IFT80: variants seen among roughly 807,000 people sequenced by gnomAD.
IFT80 encodes the protein intraflagellar transport protein 80 homolog.
A neutral mutation model predicts 107.9 loss-of-function variants in IFT80; 79 were observed. The observed-to-expected ratio is 0.73, with a 90% CI of 0.61 to 0.88. The LOEUF (loss-of-function observed/expected upper bound fraction) is 0.88, where lower values mean the gene tolerates loss of function less well. IFT80 is among the 40% of genes least tolerant of loss of function. The pLI is 0.00. For synonymous variants in IFT80, 299 were observed against 300.9 expected (o/e 0.99, Z 0.07); for missense variants, 797 against 914.2 (o/e 0.87, Z 1.65).
chr3:160,268,854 C>T, intron 18 of IFT80: 2 of 304,176 alleles, frequency 6.6e-6, no homozygotes. Flanking sequence ...CTTTTTTCTC[C>T]ACTAGCCAAT....
chr3:160,364,863 G>T (rs1559962702), intron 6 of IFT80, among the ~76,000 whole-genome samples: 1 of 151,982 alleles, frequency 6.6e-6, no homozygotes, highest in Admixed American at 6.6e-5. Context: ...AAGGTGGGGG[G>T]CTGGGGGAGG....
chr3:160,361,483 C>G (rs890373146), intron 6 of IFT80, among the ~76,000 whole-genome samples: 1 of 152,138 alleles, frequency 6.6e-6, no homozygotes, highest in Non-Finnish European at 1.5e-5. Context: ...AGAAGGTTAA[C>G]AAGGATATCC....
intron 5 of IFT80, among the ~76,000 whole-genome samples, chr3:160,370,432 T>C (rs1722155949): frequency 6.6e-6 from 1 of 152,170 alleles, no homozygotes; most frequent in Non-Finnish European, 1.5e-5. Flanking sequence ...AAGAATGATT[T>C]CCTTTTCATT....
At chr3:160,338,986 G>A (rs1232834103) in intron 8 of IFT80, among the ~76,000 whole-genome samples, 1 of 152,164 alleles carries the variant, frequency 6.6e-6, no homozygotes, top group African/African-American at 2.4e-5. Context: ...ATTATGTGCA[G>A]TGTACATCAC....
chr3:160,399,010 G>C (rs1714123559), intron 1 of IFT80, 136 bp downstream of exon 1: 1 of 152,122 alleles, frequency 6.6e-6, no homozygotes, highest in Non-Finnish European at 1.5e-5. Context: ...GCTACACCCG[G>C]AGCCCCGCTG....
intron 6 of IFT80, among the ~76,000 whole-genome samples, chr3:160,364,386 C>T (rs543432733): frequency 1.1e-4 from 16 of 152,152 alleles, no homozygotes; most frequent in African/African-American, 3.9e-4. Context: ...AAACAGGAAT[C>T]CTTTTACACT....
intron 9 of IFT80, among the ~76,000 whole-genome samples, chr3:160,317,188 T>C (rs1717886879): frequency 6.6e-6 from 1 of 152,134 alleles, no homozygotes; most frequent in Non-Finnish European, 1.5e-5. Flanking sequence ...TAGATACCCA[T>C]TGAATTAGTG....
intron 9 of IFT80, among the ~76,000 whole-genome samples, chr3:160,314,470 C>T (rs1177700409): frequency 6.6e-6 from 1 of 152,126 alleles, no homozygotes; most frequent in African/African-American, 2.4e-5. Context: ...TCATGTCCCA[C>T]AAAAGCTGAG....
At chr3:160,328,058 T>C (rs112441640) in intron 8 of IFT80, among the ~76,000 whole-genome samples, 417 of 152,272 alleles carry the variant, frequency 2.7e-3, no homozygotes, top group Non-Finnish European at 4.3e-3. Context: ...AAAGAAGACA[T>C]ATATGGCCAA....
At chr3:160,391,082 T>TA (rs949432574) in intron 1 of IFT80, among the ~76,000 whole-genome samples, 32 of 152,346 alleles carry the variant, frequency 2.1e-4, no homozygotes, top group South Asian at 1.4e-3. Context: ...CAGAAGTGCC[T>TA]ATGAGCTGCT....
chr3:160,396,225 A>T (rs1340804723), intron 1 of IFT80, among the ~76,000 whole-genome samples: 1 of 152,114 alleles, frequency 6.6e-6, no homozygotes, highest in African/African-American at 2.4e-5. Flanking sequence ...CGGTAACATT[A>T]ATATACCAAG....
At chr3:160,282,841 TA>T (rs1714793702) in intron 13 of IFT80, among the ~76,000 whole-genome samples, 2 of 152,128 alleles carry the variant, frequency 1.3e-5, no homozygotes, top group South Asian at 4.1e-4. Flanking sequence ...CCTCTTAAAA[TA>T]CAATAAAATA....
chr3:160,318,910 G>C (rs777706056), intron 9 of IFT80, among the ~76,000 whole-genome samples: 1 of 151,868 alleles, frequency 6.6e-6, no homozygotes, highest in Non-Finnish European at 1.5e-5. Context: ...CATGTGAGAG[G>C]TGCCCTCCCT....
At chr3:160,347,857 A>T (rs1048491560) in intron 8 of IFT80, among the ~76,000 whole-genome samples, 3 of 152,208 alleles carry the variant, frequency 2.0e-5, no homozygotes, top group Non-Finnish European at 2.9e-5. Flanking sequence ...ATGAAAACTG[A>T]TATGCATATA....
chr3:160,260,991 C>T (rs192886626), intron 19 of IFT80, among the ~76,000 whole-genome samples: 22 of 152,294 alleles, frequency 1.4e-4, no homozygotes, highest in South Asian at 2.1e-4. Context: ...CTTTCTCTTC[C>T]GTCTCAGGCC....
At chr3:160,374,429 A>G (rs1214528458) in intron 5 of IFT80, among the ~76,000 whole-genome samples, 1 of 152,002 alleles carries the variant, frequency 6.6e-6, no homozygotes, top group Non-Finnish European at 1.5e-5. Context: ...AAAAAAGAAA[A>G]GAAAGAAAAA....
intron 16 of IFT80, 141 bp from the exon 17 acceptor site, chr3:160,277,811 T>C: frequency 1.6e-6 from 1 of 638,592 alleles, no homozygotes; most frequent in South Asian, 2.0e-5. Context: ...AAAAAACTAA[T>C]AATGTGGGAA....
At chr3:160,324,087 TGAATCTCTGAATAGACCAGCAACAG>T (rs1198903985) in intron 8 of IFT80, among the ~76,000 whole-genome samples, 1 of 152,096 alleles carries the variant, frequency 6.6e-6, no homozygotes, top group Non-Finnish European at 1.5e-5. Context: ...AGGAAGAAGT[TGAATCTCTGAATAGACCAGCAACAG>T]GATCTGAAAT....
intron 9 of IFT80, among the ~76,000 whole-genome samples, chr3:160,312,605 T>G (rs1416707587): frequency 1.4e-5 from 1 of 73,018 alleles, no homozygotes; most frequent in African/African-American, 5.4e-5. Flanking sequence ...AAATATATAT[T>G]ATATATAAAT....
Sources: gnomAD v4.1 joint callset for allele counts (sites outside exome capture counted in the v4.1 genomes callset) on GRCh38, gnomAD v4.1.1 for gene constraint, MANE v1.5 for transcripts, NCBI Gene and HGNC (gene_info 2026-07-23, HGNC 2026-07-21) for gene names.